GSG1L2: variants seen among roughly 807,000 people sequenced by gnomAD.
GSG1L2 encodes germ cell-specific gene 1-like protein 2.
GSG1L2 carries 15 observed loss-of-function variants against 9.0 expected under a neutral mutation model. The ratio of observed to expected loss-of-function variants is 1.67; its 90% CI spans 1.12 to 2.57. The LOEUF is 2.57. Among genes scored for constraint, GSG1L2 ranks in the 30% most tolerant of loss-of-function variants. GSG1L2 has a pLI of 0.00. For synonymous variants in GSG1L2, 127 were observed against 57.9 expected (o/e 2.19, Z -5.41); for missense variants, 286 against 150.3 (o/e 1.90, Z -4.72).
intron 1 of GSG1L2, among the ~76,000 whole-genome samples, chr17:9,811,339 A>AGGTATT (rs1376000347): frequency 6.6e-6 from 1 of 152,198 alleles, no homozygotes; most frequent in East Asian, 1.9e-4. Context: ...TGTGTGTACC[A>AGGTATT]GGTATTGGGC....
intron 1 of GSG1L2, among the ~76,000 whole-genome samples, chr17:9,813,588 G>A (rs191488756): frequency 6.6e-6 from 1 of 152,252 alleles, no homozygotes; most frequent in African/African-American, 2.4e-5. Context: ...GAGCCTCGCC[G>A]GTTCTCCCAA....
intron 1 of GSG1L2, among the ~76,000 whole-genome samples, chr17:9,818,101 AG>A (rs2066574526): frequency 6.6e-6 from 1 of 152,182 alleles, no homozygotes; most frequent in South Asian, 2.1e-4. Context: ...ATTGCTATAA[AG>A]GAATACCTGA....
Position 9,805,128 on chromosome 17 carries a change from A to C in GSG1L2, c.623+2362T>G, listed in dbSNP as rs183664943. Reference sequence around the variant, plus strand: ...AATAAGATCCTTGAATAATAAACCCAAAAGACCTAATATCTAACTAACAAG... The same window carrying C: ...AATAAGATCCTTGAATAATAAACCCCAAAGACCTAATATCTAACTAACAAG... On this transcript the variant is annotated intron_variant, in intron 4 of 4. Transcript: ENST00000399363. 3.3e-5 allele frequency: 5 copies of C among 152,332 alleles called. No individual in the cohort carries two copies. In the East Asian group the frequency reaches 7.7e-4, roughly 23 times the overall value. 9.4% of individuals were successfully genotyped at this position (152,332 alleles called of 1,614,324 possible).
chr17:9,815,385 C>T (rs1439804809), intron 1 of GSG1L2, among the ~76,000 whole-genome samples: 1 of 152,136 alleles, frequency 6.6e-6, no homozygotes. Flanking sequence ...ACTCAGTCTT[C>T]TCGTCTGTAA....
chr17:9,802,694 G>A lies in GSG1L2; in HGVS notation c.624-50C>T, dbSNP rs1265569190. 4.4e-6 allele frequency: 3 copies of A among 685,126 alleles called. No homozygotes were observed. In the African/African-American group the frequency reaches 5.3e-5, roughly 12 times the overall value. 42.4% of individuals were successfully genotyped at this position (685,126 alleles called of 1,614,324 possible). A position where few individuals can be genotyped will look rare whatever the true frequency, so the allele number is the denominator to read the frequency against. On this transcript the variant is annotated intron_variant, in intron 4 of 4. Coordinates refer to ENST00000399363, the MANE Select transcript of GSG1L2 (RefSeq NM_001310219.2). ...AAAGGGCTGAGGGCTGTGATTCCAG[G>A]ACTTCCTGTTTTCTCCAGACTGGGG...
At chr17:9,814,728 C>T (rs2066552983) in intron 1 of GSG1L2, among the ~76,000 whole-genome samples, 1 of 152,166 alleles carries the variant, frequency 6.6e-6, no homozygotes, top group South Asian at 2.1e-4. Context: ...GCTTCAGCAG[C>T]CAAGCAGGAC....
At chr17:9,810,767 G>C in intron 1 of GSG1L2, 149 bp from the exon 2 acceptor site, 3 of 636,280 alleles carry the variant, frequency 4.7e-6, no homozygotes, top group Non-Finnish European at 8.5e-6. Context: ...CTCTGTGTGG[G>C]AGCCTGATAT....
Position 9,820,600 on chromosome 17 carries a change from A to G in GSG1L2, c.310+1162T>C, listed in dbSNP as rs1597369692. Among the ~76,000 whole-genome samples, 1 of 151,712 alleles carries G rather than the reference A, an allele frequency of 6.6e-6. No homozygotes were observed. Among genetic ancestry groups the G allele is most frequent in the African/African-American group, 2.4e-5 (1 of 41,276 alleles). On this transcript the variant is annotated intron_variant, in intron 1 of 4. Transcript: ENST00000399363. This position sits in a 1 kb window ranked among gnomAD's most constrained non-coding sequence, Gnocchi z 4.9. ...GTTCAGTCAGGCTGGGTACTGCCCC[A>G]CATTGGCCACCACTGGGAGAGAGGG...
chr17:9,816,256 A>G (rs1244493093), intron 1 of GSG1L2, among the ~76,000 whole-genome samples: 1 of 152,276 alleles, frequency 6.6e-6, no homozygotes, highest in Non-Finnish European at 1.5e-5. Context: ...GTTGTCCATG[A>G]ATCATGGAGA....
At chr17:9,804,506 C>A (rs1246201558) in intron 4 of GSG1L2, 1 of 152,194 alleles carries the variant, frequency 6.6e-6, no homozygotes, top group Non-Finnish European at 1.5e-5. Context: ...AGCTGTCCAG[C>A]CCTTTCCTAT....
Position 9,820,138 on chromosome 17 carries a change from T to C in GSG1L2, c.310+1624A>G, listed in dbSNP as rs2066583309. Reference sequence around the variant, plus strand: ...AAAATAAAATAAGAATACAGACCTCTAGACTCCACCCCGGCTCTCTTAAAT... The same window carrying C: ...AAAATAAAATAAGAATACAGACCTCCAGACTCCACCCCGGCTCTCTTAAAT... On this transcript the variant is annotated intron_variant, in intron 1 of 4. Coordinates refer to ENST00000399363, the MANE Select transcript of GSG1L2 (RefSeq NM_001310219.2). This position sits in a 1 kb window ranked among gnomAD's most constrained non-coding sequence, Gnocchi z 4.9. Among the ~76,000 whole-genome samples, 1 of 152,062 alleles carries C rather than the reference T, an allele frequency of 6.6e-6. No homozygotes were observed. The highest frequency in any genetic ancestry group is 2.4e-5 in the African/African-American group (1 of 41,422).
At chr17:9,813,796 T>C (rs1043517995) in intron 1 of GSG1L2, among the ~76,000 whole-genome samples, 5 of 152,234 alleles carry the variant, frequency 3.3e-5, no homozygotes, top group Admixed American at 3.3e-4. Flanking sequence ...GCCTGGCATC[T>C]CTGCCTGTTT....
chr17:9,821,728 C>A (rs1475692881), intron 1 of GSG1L2, 34 bp downstream of exon 1: 1 of 697,768 alleles, frequency 1.4e-6, no homozygotes. Context: ...CCATCCCGCA[C>A]CTGTCTTCCC....
At chr17:9,808,725 AT>A in intron 3 of GSG1L2, 104 bp downstream of exon 3, 1 of 622,686 alleles carries the variant, frequency 1.6e-6, no homozygotes, top group Admixed American at 2.5e-5. Flanking sequence ...TTAAATGGCC[AT>A]TGATGGGAAA....
chr17:9,812,080 C>G (rs1440271492), intron 1 of GSG1L2, among the ~76,000 whole-genome samples: 3 of 152,204 alleles, frequency 2.0e-5, no homozygotes, highest in African/African-American at 7.2e-5. Flanking sequence ...TATCACAGTT[C>G]ATACGCATTT....
chr17:9,814,774 C>G (rs2066553177), intron 1 of GSG1L2, among the ~76,000 whole-genome samples: 1 of 152,172 alleles, frequency 6.6e-6, no homozygotes, highest in South Asian at 2.1e-4. Flanking sequence ...TCCGATCCCT[C>G]CGTACCTGAC....
At chr17:9,815,734 A>C (rs17810160) in intron 1 of GSG1L2, among the ~76,000 whole-genome samples, 5,329 of 152,312 alleles carry the variant, frequency 0.035, 255 homozygotes, top group East Asian at 0.23. Context: ...TGAGGTACTT[A>C]TTAAGAGCTC....
At chr17:9,816,928 G>GTGTGTATC (rs139554657) in intron 1 of GSG1L2, among the ~76,000 whole-genome samples, 75,368 of 144,576 alleles carry the variant, frequency 0.52, 20,731 homozygotes, top group East Asian at 0.99. Flanking sequence ...GTGTGTGTGT[G>GTGTGTATC]TGTGTGTGTG....
chr17:9,818,675 G>A (rs1269986189), intron 1 of GSG1L2, among the ~76,000 whole-genome samples: 1 of 151,916 alleles, frequency 6.6e-6, no homozygotes, highest in Non-Finnish European at 1.5e-5. Flanking sequence ...GATCCCGTGA[G>A]AAATCATTCA....
Sources: allele counts gnomAD v4.1 joint callset (sites outside exome capture counted in the v4.1 genomes callset), GRCh38; gene constraint gnomAD v4.1.1; non-coding constraint Gnocchi (gnomAD v3.1); transcripts MANE v1.5; gene names NCBI Gene and HGNC (gene_info 2026-07-23, HGNC 2026-07-21).